MMP15: variants seen among roughly 807,000 people sequenced by gnomAD.
MMP15 encodes the protein matrix metallopeptidase 15, also known as matrix metalloproteinase-15.
A neutral mutation model predicts 65.0 loss-of-function variants in MMP15; 36 were observed. The observed-to-expected ratio is 0.55, with a 90% CI of 0.42 to 0.73. The LOEUF (loss-of-function observed/expected upper bound fraction) is 0.73, where lower values mean the gene tolerates loss of function less well. MMP15 is among the 30% of genes least tolerant of loss of function. MMP15 has a pLI of 0.00. For synonymous variants in MMP15, 428 were observed against 410.2 expected (o/e 1.04, Z -0.52); for missense variants, 870 against 987.8 (o/e 0.88, Z 1.60).
At chr16:58,036,827 C>T (rs183552689) in intron 1 of MMP15, among the ~76,000 whole-genome samples, 124 of 152,314 alleles carry the variant, frequency 8.1e-4, no homozygotes, top group Non-Finnish European at 1.6e-3. Context: ...AGGGGCCCAC[C>T]CCAGAGGGGC....
intron 8 of MMP15, 30 bp downstream of exon 8, chr16:58,043,390 G>T (rs376418604): frequency 1.9e-6 from 3 of 1,596,968 alleles, no homozygotes; most frequent in Non-Finnish European, 2.6e-6. Flanking sequence ...CCTAAGGGGA[G>T]AAGGCCCCAT....
chr16:58,030,991 T>G (rs759222635), intron 1 of MMP15, among the ~76,000 whole-genome samples: 5 of 152,160 alleles, frequency 3.3e-5, no homozygotes, highest in African/African-American at 7.2e-5. Flanking sequence ...GCAGGTGTTA[T>G]TTTTGAGCAC....
chr16:58,027,516 T>A (rs990691186), intron 1 of MMP15, among the ~76,000 whole-genome samples: 2 of 152,326 alleles, frequency 1.3e-5, no homozygotes, highest in Non-Finnish European at 2.9e-5. Flanking sequence ...GAGCCGCTTC[T>A]GAACGGTGCT....
intron 3 of MMP15, 118 bp downstream of exon 3, chr16:58,038,512 A>T: frequency 6.0e-6 from 8 of 1,330,444 alleles, no homozygotes; most frequent in Non-Finnish European, 8.3e-6. Context: ...TTTCACGCTG[A>T]TGAGACCAGC....
At chr16:58,027,176 T>G (rs939445501) in intron 1 of MMP15, among the ~76,000 whole-genome samples, 2 of 152,168 alleles carry the variant, frequency 1.3e-5, no homozygotes, top group Non-Finnish European at 2.9e-5. Flanking sequence ...CCCACAGCGC[T>G]TCCTCCCAAC....
Position 58,041,848 on chromosome 16 carries a change from G to T in MMP15, c.1142G>T (p.Arg381Leu), listed in dbSNP as rs540009627. ...GACTTTGACACAGTGGCCATGCTTC[G>T]CGGGGAGATGTTCGTGTTCAAGGTC... Reference protein sequence around the residue: ...DGDFDTVAMLRGEMFVFKGRW... With the variant: ...DGDFDTVAMLLGEMFVFKGRW... The change falls in exon 6 of 10, where the codon CGC becomes CTC. Residue 381 changes from arginine to leucine, a missense_variant. Transcript: ENST00000219271. 3.8e-6 allele frequency: 6 copies of T among 1,599,156 alleles called. No homozygotes were observed. Among genetic ancestry groups the T allele is most frequent in the Non-Finnish European group, 5.1e-6 (6 of 1,174,006 alleles).
rs2241774 is a variant in MMP15, at chr16:58,038,249, C to T, written c.312-17C>T. ...GAGGGGAGGCTCCGTGCTCACCCCT[C>T]TGTGTCCATGTCCCAGGTGGATGAA... On this transcript the variant is annotated splice_polypyrimidine_tract_variant and intron_variant, in intron 2 of 9. Coordinates refer to ENST00000219271, the MANE Select transcript of MMP15 (RefSeq NM_002428.4). The T allele has an allele frequency of 0.22, 349,072 of 1,612,660 alleles. 41,689 individuals carry two copies. Among genetic ancestry groups the T allele is most frequent in the Admixed American group, 0.4 (23,724 of 59,974 alleles).
intron 3 of MMP15, among the ~76,000 whole-genome samples, chr16:58,038,822 G>A (rs1959388219): frequency 6.6e-6 from 1 of 152,200 alleles, no homozygotes; most frequent in South Asian, 2.1e-4. Context: ...CTTGAGCCAT[G>A]TGGTTGTCCC....
intron 1 of MMP15, among the ~76,000 whole-genome samples, chr16:58,032,847 C>G (rs1959259064): frequency 6.6e-6 from 1 of 152,252 alleles, no homozygotes; most frequent in Non-Finnish European, 1.5e-5. Context: ...TTGTGCCTGG[C>G]TGGGCAACTC....
intron 1 of MMP15, among the ~76,000 whole-genome samples, chr16:58,029,375 TAAGAA>T (rs1353392695): frequency 6.6e-6 from 1 of 152,240 alleles, no homozygotes; most frequent in Non-Finnish European, 1.5e-5. Context: ...GCCCACCAGC[TAAGAA>T]AAGGGAGTTA....
chr16:58,026,514 T>G lies in MMP15; in HGVS notation c.162+2T>G. The stretch of plus-strand genomic sequence containing the variant: ...GAAGACGCGGAGGTCCATGCCGAGG[T>G]AAGACCCCCGCCCTGCCCTTTGGCT... On this transcript the variant is annotated splice_donor_variant, in intron 1 of 9. Transcript: ENST00000219271. LOFTEE classifies it high-confidence loss of function. 7.4e-7 allele frequency: 1 copy of G among 1,343,440 alleles called. No homozygotes were observed. The highest frequency in any genetic ancestry group is 3.1e-5 in the East Asian group (1 of 32,236). The allele number at this position is 1,343,440 out of a possible 1,614,324, so 83.2% of individuals were successfully genotyped here.
At chr16:58,032,035 T>A (rs776128715) in intron 1 of MMP15, among the ~76,000 whole-genome samples, 3 of 151,776 alleles carry the variant, frequency 2.0e-5, no homozygotes, top group African/African-American at 4.8e-5. Context: ...CCTGGCTAAT[T>A]TTTTGTATTT....
rs1385835551 is a variant in MMP15, at chr16:58,046,623, G to C, written c.*1177G>C. ...CCAAAGCAAGCAAGAGGCCGTGGCT[G>C]CTGTGGGAAATGGTACTGTACAGCT... On this transcript the variant is annotated 3_prime_UTR_variant, in exon 10 of 10. Transcript: ENST00000219271. 1 of 152,780 alleles carries C rather than the reference G, an allele frequency of 6.5e-6. No individual in the cohort carries two copies. Among genetic ancestry groups the C allele is most frequent in the Non-Finnish European group, 1.5e-5 (1 of 68,136 alleles). The allele number at this position is 152,780 out of a possible 1,614,324, so 9.5% of individuals were successfully genotyped here.
chr16:58,034,963 C>T (rs1451087449), intron 1 of MMP15, among the ~76,000 whole-genome samples: 6 of 151,356 alleles, frequency 4.0e-5, no homozygotes, highest in Admixed American at 6.6e-5. Context: ...CCGCAGATAC[C>T]GCTAATCAGC....
intron 1 of MMP15, among the ~76,000 whole-genome samples, chr16:58,029,281 AC>A (rs1480868168): frequency 1.3e-5 from 2 of 152,202 alleles, no homozygotes; most frequent in African/African-American, 4.8e-5. Flanking sequence ...TTCAGTCTCT[AC>A]TAGCACTTCC....
At chr16:58,031,668 T>G (rs2073977610) in intron 1 of MMP15, among the ~76,000 whole-genome samples, 1 of 151,844 alleles carries the variant, frequency 6.6e-6, no homozygotes, top group South Asian at 2.1e-4. Flanking sequence ...CCTTCCTGCT[T>G]CTCCTGCTGG....
At position 58,026,250 on chromosome 16, in the gene MMP15, G is replaced by C; in HGVS notation, c.-101G>C. The C allele has an allele frequency of 1.7e-6, 2 of 1,205,424 alleles. No individual in the cohort carries two copies. The highest frequency in any genetic ancestry group is 1.0e-6 in the Non-Finnish European group (1 of 962,808). 74.7% of individuals were successfully genotyped at this position (1,205,424 alleles called of 1,614,324 possible). A position where few individuals can be genotyped will look rare whatever the true frequency, so the allele number is the denominator to read the frequency against. On this transcript the variant is annotated 5_prime_UTR_variant, in exon 1 of 10. Coordinates refer to ENST00000219271, the MANE Select transcript of MMP15 (RefSeq NM_002428.4). ...CGGGGACCGGGAGCCCGAGGTCCGCGGCGCGCCTGCCGGGCCAGGAGCCAG... is the reference window on the plus strand; with the variant it reads ...CGGGGACCGGGAGCCCGAGGTCCGCCGCGCGCCTGCCGGGCCAGGAGCCAG...
rs757870060 is a variant in MMP15, at chr16:58,041,792, C to G, written c.1086C>G (p.Pro362=). The change falls in exon 6 of 10, where the codon CCC becomes CCG. Residue 362 remains proline, a synonymous_variant. Coordinates refer to ENST00000219271, the MANE Select transcript of MMP15 (RefSeq NM_002428.4). ...TCCAGCCCCGAGCCACAGAGCGGCC[C>G]GACCAGTATGGCCCCAACATCTGCG... ...PPVQPRATER[P]DQYGPNICDG... The G allele has an allele frequency of 6.2e-7, 1 of 1,611,998 alleles. No individual in the cohort carries two copies. Among genetic ancestry groups the G allele is most frequent in the Non-Finnish European group, 8.5e-7 (1 of 1,179,164 alleles).
intron 9 of MMP15, among the ~76,000 whole-genome samples, chr16:58,044,273 C>CG (rs1402215793): frequency 6.6e-6 from 1 of 152,114 alleles, no homozygotes; most frequent in African/African-American, 2.4e-5. Context: ...TAGTGAGACT[C>CG]TATCTCTACA....
Sources: allele counts gnomAD v4.1 joint callset (sites outside exome capture counted in the v4.1 genomes callset), GRCh38; gene constraint gnomAD v4.1.1; transcripts MANE v1.5; gene names NCBI Gene and HGNC (gene_info 2026-07-23, HGNC 2026-07-21).